PLPPR1: variants seen among roughly 807,000 people sequenced by gnomAD.
The protein encoded by PLPPR1 is phospholipid phosphatase-related protein type 1.
PLPPR1 carries 10 observed loss-of-function variants against 33.1 expected under a neutral mutation model. The ratio of observed to expected loss-of-function variants is 0.30; its 90% CI spans 0.19 to 0.51. The LOEUF (loss-of-function observed/expected upper bound fraction) is 0.51, where lower values mean the gene tolerates loss of function less well. Ranked by LOEUF, PLPPR1 falls within the 20% of genes least tolerant of loss-of-function variation. PLPPR1 has a pLI of 0.97. For synonymous variants in PLPPR1, 151 were observed against 151.0 expected, an observed-to-expected ratio of 1.00 and a Z score of 0.00; for missense variants, 304 against 408.1, an observed-to-expected ratio of 0.74 and a Z score of 2.20.
At chr9:101,092,447 C>A (rs1379432806) in intron 1 of PLPPR1, among the ~76,000 whole-genome samples, 1 of 152,148 alleles carries the variant, frequency 6.6e-6, no homozygotes, top group African/African-American at 2.4e-5. Context: ...AGTAATTTCT[C>A]AACATAAATT....
At chr9:101,258,694 T>C (rs1397741418) in intron 2 of PLPPR1, among the ~76,000 whole-genome samples, 10 of 152,144 alleles carry the variant, frequency 6.6e-5, no homozygotes, top group Non-Finnish European at 1.5e-4. Flanking sequence ...TTCTCATGCA[T>C]AGCATGTGTA....
At chr9:101,052,460 T>C (rs1278671013) in intron 1 of PLPPR1, among the ~76,000 whole-genome samples, 1 of 152,140 alleles carries the variant, frequency 6.6e-6, no homozygotes, top group Admixed American at 6.5e-5. Context: ...GAACAATCTA[T>C]AATATTTTAT....
rs1442507263 is a variant in PLPPR1 at position 101,324,667 on chromosome 9, G to T, written c.*610G>T. The T allele has an allele frequency of 2.6e-5, 4 of 152,392 alleles. No homozygotes were observed. Among genetic ancestry groups the T allele is most frequent in the African/African-American group, 9.7e-5 (4 of 41,418 alleles). 9.4% of individuals were successfully genotyped at this position (152,392 alleles called of 1,614,324 possible). ...GAGAATTCTGGATTTGGAGGGTATT[G>T]GGGTTATATGATTCTTTCTTAGATA... On this transcript the variant is annotated 3_prime_UTR_variant, in exon 8 of 8. Coordinates refer to ENST00000374874, the MANE Select transcript of PLPPR1 (RefSeq NM_207299.2).
chr9:101,189,481 G>A (rs1337801490), intron 2 of PLPPR1, among the ~76,000 whole-genome samples: 1 of 152,134 alleles, frequency 6.6e-6, no homozygotes, highest in African/African-American at 2.4e-5. Context: ...CCAAAAGGGA[G>A]GAGGGTATAA....
At chr9:101,293,180 C>A (rs1268173373) in intron 4 of PLPPR1, among the ~76,000 whole-genome samples, 2 of 151,266 alleles carry the variant, frequency 1.3e-5, no homozygotes, top group Admixed American at 1.3e-4. Context: ...AGACTGTAAA[C>A]CAACAAAGAT....
chr9:101,100,127 A>G lies in PLPPR1; in HGVS notation c.-46+71025A>G, dbSNP rs116813830. 0.014 allele frequency among the ~76,000 whole-genome samples: 2,176 copies of G among 152,050 alleles called. 88 individuals carry two copies. In the East Asian group the frequency reaches 0.15, roughly 11 times the overall value. On this transcript the variant is annotated intron_variant, in intron 1 of 7. Coordinates refer to ENST00000374874, the MANE Select transcript of PLPPR1 (RefSeq NM_207299.2). ...TTAGGCATTTTTTTTCTTACGTGCA[A>G]TATTCTGAAACATGAAATTTACAAA...
intron 2 of PLPPR1, among the ~76,000 whole-genome samples, chr9:101,196,388 A>C (rs1164236333): frequency 6.6e-6 from 1 of 152,210 alleles, no homozygotes; most frequent in Non-Finnish European, 1.5e-5. Flanking sequence ...ACCCCAAAAG[A>C]ACACTCCTAA....
rs77155381 is a variant in PLPPR1 at position 101,224,451 on chromosome 9, T to C, written c.63+38894T>C. Reference sequence around the variant, plus strand: ...AAGTTAATGATGCTCTCGGCTGCTGTCATTGAGTCTTTCACAGAGTGTTTT... The same window carrying C: ...AAGTTAATGATGCTCTCGGCTGCTGCCATTGAGTCTTTCACAGAGTGTTTT... On this transcript the variant is annotated intron_variant, in intron 2 of 7. Transcript: ENST00000374874. 1.8e-3 allele frequency among the ~76,000 whole-genome samples: 270 copies of C among 152,304 alleles called. 2 individuals are homozygous for C. Among genetic ancestry groups the C allele is most frequent in the African/African-American group, 6.2e-3 (257 of 41,564 alleles).
chr9:101,241,074 T>A (rs1051965157), intron 2 of PLPPR1, among the ~76,000 whole-genome samples: 3 of 152,154 alleles, frequency 2.0e-5, no homozygotes, highest in African/African-American at 4.8e-5. Context: ...TTTTTGCTAT[T>A]ATAATTTTCT....
intron 2 of PLPPR1, among the ~76,000 whole-genome samples, chr9:101,257,680 C>A (rs1260472829): frequency 6.6e-6 from 1 of 152,122 alleles, no homozygotes; most frequent in Non-Finnish European, 1.5e-5. Context: ...CTAGAATATT[C>A]TGGTGATAGA....
intron 1 of PLPPR1, among the ~76,000 whole-genome samples, chr9:101,127,553 T>C (rs2118605720): frequency 6.6e-6 from 1 of 152,270 alleles, no homozygotes; most frequent in East Asian, 1.9e-4. Context: ...CTTGAGATAG[T>C]GGAGAGCAGG....
chr9:101,100,610 C>T (rs550514298), intron 1 of PLPPR1, among the ~76,000 whole-genome samples: 1 of 151,762 alleles, frequency 6.6e-6, no homozygotes, highest in East Asian at 1.9e-4. Context: ...TATATGCTAG[C>T]ATTTAAGAAA....
Position 101,108,151 on chromosome 9 carries a change from A to G in PLPPR1, c.-45-77299A>G, listed in dbSNP as rs144992897. Among the ~76,000 whole-genome samples the G allele has an allele frequency of 1.4e-3, 204 of 146,894 alleles. 10 individuals are homozygous for G. Among genetic ancestry groups the G allele is most frequent in the African/African-American group, 5.2e-3 (197 of 37,894 alleles). On this transcript the variant is annotated intron_variant, in intron 1 of 7. Coordinates refer to ENST00000374874, the MANE Select transcript of PLPPR1 (RefSeq NM_207299.2). ...GGAGCTGTAGACCGGAGCTGTTCCT[A>G]TTCGGCCATCTTGGCTCCTCCCCTC...
intron 2 of PLPPR1, among the ~76,000 whole-genome samples, chr9:101,261,104 A>G (rs1053858587): frequency 1.4e-4 from 21 of 152,202 alleles, no homozygotes; most frequent in African/African-American, 4.1e-4. Context: ...GCAGGTTTTC[A>G]GTGTAAAAAG....
intron 1 of PLPPR1, among the ~76,000 whole-genome samples, chr9:101,120,784 T>C (rs1475866406): frequency 6.6e-6 from 1 of 152,210 alleles, no homozygotes; most frequent in African/African-American, 2.4e-5. Flanking sequence ...GAAGAGAATA[T>C]GGCCCTATGA....
chr9:101,088,179 A>C (rs545013887), intron 1 of PLPPR1, among the ~76,000 whole-genome samples: 1 of 152,270 alleles, frequency 6.6e-6, no homozygotes, highest in Admixed American at 6.5e-5. Context: ...AACATCAAGG[A>C]ATTTCTGATA....
chr9:101,268,749 C>T (rs892293110), intron 2 of PLPPR1, among the ~76,000 whole-genome samples: 2 of 152,164 alleles, frequency 1.3e-5, no homozygotes, highest in East Asian at 1.9e-4. Flanking sequence ...CAACTTTAAG[C>T]CATAGATATC....
In PLPPR1 at chr9:101,286,282, A is replaced by G. The variant is rs201660386; in HGVS notation, c.385+46A>G. On this transcript the variant is annotated intron_variant, in intron 4 of 7. Coordinates refer to ENST00000374874, the MANE Select transcript of PLPPR1 (RefSeq NM_207299.2). ...AACTAAGCTCTCACATAAAAGTAAA[A>G]TTACTAAAGGCAAACACTTGGTAAA... 38 of 1,537,934 alleles carry G rather than the reference A, an allele frequency of 2.5e-5. No individual in the cohort carries two copies. In the Admixed American group the frequency reaches 4.9e-4, roughly 20 times the overall value.
At position 101,146,122 on chromosome 9, in the gene PLPPR1, T is replaced by C. The variant is rs1466749008; in HGVS notation, c.-45-39328T>C. Among the ~76,000 whole-genome samples, 4 of 152,218 alleles carry C rather than the reference T, an allele frequency of 2.6e-5. No individual in the cohort carries two copies. In the East Asian group the frequency reaches 7.7e-4, roughly 29 times the overall value. ...TCCCTCTGTCTCCCATAGTGCTTCA[T>C]ATCTCTTGGCATTTCTCATAGTGTA... On this transcript the variant is annotated intron_variant, in intron 1 of 7. Coordinates refer to ENST00000374874, the MANE Select transcript of PLPPR1 (RefSeq NM_207299.2).
Sources: allele counts gnomAD v4.1 joint callset (sites outside exome capture counted in the v4.1 genomes callset), GRCh38; gene constraint gnomAD v4.1.1; transcripts MANE v1.5; gene names NCBI Gene and HGNC (gene_info 2026-07-23, HGNC 2026-07-21).